Variants in ACTN1 observed in about 807,000 individuals in gnomAD.
ACTN1 encodes actinin alpha 1.
Under a neutral mutation model 119.6 loss-of-function variants are expected in ACTN1, and 30 were observed. That is an observed-to-expected ratio of 0.25 (90% CI 0.19 to 0.34). ACTN1 has a LOEUF of 0.34. Among genes scored for constraint, ACTN1 ranks in the 10% least tolerant of loss-of-function variants. The pLI is 1.00. For missense variants in ACTN1, 764 were observed against 1,223.4 expected, an observed-to-expected ratio of 0.62 and a Z score of 5.60; for synonymous variants, 429 against 472.6, an observed-to-expected ratio of 0.91 and a Z score of 1.20.
At chr14:68,923,747 T>C (rs1375068826) in intron 2 of ACTN1, among the ~76,000 whole-genome samples, 2 of 152,140 alleles carry the variant, frequency 1.3e-5, no homozygotes, top group Non-Finnish European at 2.9e-5. Flanking sequence ...GCAGTTCCAC[T>C]TTGGGGAATA....
rs377566422 is a variant in ACTN1 at position 68,952,824 on chromosome 14, C to T, written c.105+26128G>A. 7.9e-5 allele frequency among the ~76,000 whole-genome samples: 12 copies of T among 152,250 alleles called. No homozygotes were observed. In the East Asian group the frequency reaches 2.3e-3, roughly 29 times the overall value. On this transcript the variant is annotated intron_variant, in intron 1 of 21. Transcript: ENST00000394419. ...ACTCTCAATCACATCTCCACTTAAA[C>T]AAAATGTCAAAGTCCCCCAAATGGA...
chr14:68,927,289 C>T (rs1014048281), intron 1 of ACTN1, among the ~76,000 whole-genome samples: 2 of 152,210 alleles, frequency 1.3e-5, no homozygotes, highest in African/African-American at 4.8e-5. Context: ...CTGGGCTGGA[C>T]ACACACCCAT....
At chr14:68,967,066 C>T (rs1406338143) in intron 1 of ACTN1, among the ~76,000 whole-genome samples, 1 of 152,178 alleles carries the variant, frequency 6.6e-6, no homozygotes, top group Admixed American at 6.5e-5. Flanking sequence ...CAGAGAGGGG[C>T]GCTGAGCAGC....
intron 1 of ACTN1, among the ~76,000 whole-genome samples, chr14:68,949,750 T>C (rs1412917634): frequency 6.6e-6 from 1 of 152,084 alleles, no homozygotes; most frequent in Non-Finnish European, 1.5e-5. Flanking sequence ...TGGTCATACA[T>C]ACAATGGACT....
intron 1 of ACTN1, among the ~76,000 whole-genome samples, chr14:68,944,011 C>A (rs1160283282): frequency 6.6e-6 from 1 of 152,198 alleles, no homozygotes; most frequent in African/African-American, 2.4e-5. Flanking sequence ...ACACGGGCAC[C>A]CACTCAGCTG....
At position 68,892,191 on chromosome 14, in the gene ACTN1, G is replaced by A; in HGVS notation, c.948C>T (p.Phe316=). Residue 316 remains phenylalanine, a synonymous_variant, in exon 10 of 22, where the codon TTC becomes TTT. Coordinates refer to ENST00000394419, the MANE Select transcript of ACTN1 (RefSeq NM_001130004.2). ...GCTTGTGCAGGCGCCGGTAGTCCCG[G>A]AAGTCCTCCAGCTTCTGTTGCATGG... ...MHAMQQKLED[F]RDYRRLHKPP... 6.2e-7 allele frequency: 1 copy of A among 1,614,218 alleles called. No homozygotes were observed. The highest frequency in any genetic ancestry group is 8.5e-7 in the Non-Finnish European group (1 of 1,180,048).
intron 1 of ACTN1, among the ~76,000 whole-genome samples, chr14:68,960,270 C>T (rs992896632): frequency 6.6e-6 from 1 of 152,156 alleles, no homozygotes; most frequent in African/African-American, 2.4e-5. Context: ...CTGCACAGTT[C>T]AAACCTGTGA....
In ACTN1 at chr14:68,979,226, T is replaced by C; in HGVS notation, c.-170A>G. On this transcript the variant is annotated 5_prime_UTR_variant, in exon 1 of 22. Transcript: ENST00000394419. ...CGGCGCTGCTGGCGAAGGCTGCTAC[T>C]GGCGGCGACAGCGGCGGCTGGGCTC... is the stretch of plus-strand genomic sequence containing the variant. The C allele has an allele frequency of 2.2e-6, 1 of 449,794 alleles. No homozygotes were observed. Among genetic ancestry groups the C allele is most frequent in the South Asian group, 3.6e-5 (1 of 27,954 alleles). The allele number at this position is 449,794 out of a possible 1,614,324, so 27.9% of individuals were successfully genotyped here.
At position 68,925,622 on chromosome 14, in the gene ACTN1, G is replaced by C. The variant is rs779172207; in HGVS notation, c.156C>G (p.Ile52Met). Residue 52 changes from isoleucine to methionine, a missense_variant, in exon 2 of 22, where the codon ATC becomes ATG. Coordinates refer to ENST00000394419, the MANE Select transcript of ACTN1 (RefSeq NM_001130004.2). This position sits in a 1 kb window ranked among gnomAD's most constrained non-coding sequence, Gnocchi z 4.3. ...NSHLRKAGTQ[I>M]ENIEEDFRDG... The stretch of plus-strand genomic sequence containing the variant: ...CCCGGAAGTCCTCTTCGATGTTCTC[G>C]ATCTGTGTCCCCGCCTTCCGGAGGT... 6.2e-7 allele frequency: 1 copy of C among 1,613,342 alleles called. No individual in the cohort carries two copies. Among genetic ancestry groups the C allele is most frequent in the African/African-American group, 1.3e-5 (1 of 74,874 alleles).
intron 13 of ACTN1, among the ~76,000 whole-genome samples, 194 bp from the exon 14 acceptor site, chr14:68,884,502 G>A (rs980940676): frequency 2.6e-5 from 4 of 152,228 alleles, no homozygotes; most frequent in South Asian, 2.1e-4. Context: ...AGTCTGGTGT[G>A]TAGAATAGGA....
intron 1 of ACTN1, among the ~76,000 whole-genome samples, chr14:68,976,906 G>A (rs1807328734): frequency 6.6e-6 from 1 of 152,128 alleles, no homozygotes; most frequent in Non-Finnish European, 1.5e-5. Flanking sequence ...CCAAAGGCCT[G>A]GGGCACACCC....
At chr14:68,920,928 G>A in intron 3 of ACTN1, 78 bp downstream of exon 3, 2 of 1,574,420 alleles carry the variant, frequency 1.3e-6, no homozygotes, top group Non-Finnish European at 1.7e-6. Flanking sequence ...GGGCCCAGGA[G>A]GCAGCACAAA....
intron 1 of ACTN1, among the ~76,000 whole-genome samples, chr14:68,964,746 C>G (rs1180872966): frequency 6.6e-6 from 1 of 152,184 alleles, no homozygotes; most frequent in African/African-American, 2.4e-5. Context: ...GTATAATGCA[C>G]GTAATGGACT....
At chr14:68,936,562 C>A (rs2035526628) in intron 1 of ACTN1, 3 of 457,460 alleles carry the variant, frequency 6.6e-6, no homozygotes, top group Admixed American at 6.8e-5. Flanking sequence ...GCGGGAGGAA[C>A]TGTTACGGGA....
chr14:68,889,674 C>T (rs944735506), intron 11 of ACTN1, among the ~76,000 whole-genome samples: 1 of 152,024 alleles, frequency 6.6e-6, no homozygotes, highest in Admixed American at 6.6e-5. Flanking sequence ...GTCCCAGCTA[C>T]TAGGGAGGCT....
intron 13 of ACTN1, among the ~76,000 whole-genome samples, chr14:68,884,529 G>T: frequency 6.6e-6 from 1 of 152,234 alleles, no homozygotes; most frequent in East Asian, 1.9e-4. Context: ...TCAAATGGCT[G>T]GGGTTGGGCT....
At chr14:68,946,671 G>A (rs2035958354) in intron 1 of ACTN1, among the ~76,000 whole-genome samples, 1 of 152,098 alleles carries the variant, frequency 6.6e-6, no homozygotes, top group Admixed American at 6.5e-5. Flanking sequence ...TGCTCACTGG[G>A]GCCCTGGTTT....
intron 1 of ACTN1, among the ~76,000 whole-genome samples, chr14:68,927,677 A>G (rs1374759563): frequency 6.6e-6 from 1 of 152,190 alleles, no homozygotes; most frequent in Admixed American, 6.5e-5. Context: ...ACGCAGCAGG[A>G]CAGGGAAGCG....
intron 14 of ACTN1, 79 bp downstream of exon 14, chr14:68,884,089 G>T (rs1419562147): frequency 1.4e-6 from 2 of 1,439,082 alleles, no homozygotes; most frequent in Admixed American, 4.7e-5. Context: ...TCAGGGGGCA[G>T]TCCTGCAAAA....
Sources: allele counts gnomAD v4.1 joint callset (sites outside exome capture counted in the v4.1 genomes callset), GRCh38; gene constraint gnomAD v4.1.1; non-coding constraint Gnocchi (gnomAD v3.1); transcripts MANE v1.5; gene names NCBI Gene and HGNC (gene_info 2026-07-23, HGNC 2026-07-21).